PDE11A: variants seen among roughly 807,000 people sequenced by gnomAD.
The protein encoded by PDE11A is phosphodiesterase 11A, also known as dual 3',5'-cyclic-AMP and -GMP phosphodiesterase 11A.
A neutral mutation model predicts 100.5 loss-of-function variants in PDE11A; 100 were observed. The observed-to-expected ratio is 1.00, with a 90% CI of 0.85 to 1.18. The LOEUF (loss-of-function observed/expected upper bound fraction) is 1.18, where lower values mean the gene tolerates loss of function less well. Ranked by LOEUF, PDE11A falls within the 50% of genes most tolerant of loss-of-function variation. The pLI, the probability that PDE11A is intolerant of heterozygous loss-of-function variation, is 0.00. For synonymous variants in PDE11A, 381 were observed against 420.8 expected (o/e 0.91, Z 1.16); for missense variants, 1,141 against 1,152.6 (o/e 0.99, Z 0.15).
intron 5 of PDE11A, among the ~76,000 whole-genome samples, chr2:177,855,877 T>A (rs1229748740): frequency 6.7e-6 from 1 of 149,822 alleles, no homozygotes; most frequent in Non-Finnish European, 1.5e-5. Flanking sequence ...AGCTTGTACA[T>A]ATTCATAGAC....
intron 2 of PDE11A, among the ~76,000 whole-genome samples, chr2:177,939,622 C>T (rs893402717): frequency 1.1e-4 from 17 of 152,116 alleles, no homozygotes; most frequent in African/African-American, 4.1e-4. Context: ...GATCCAACTA[C>T]CAATTTACAG....
chr2:177,756,296 A>G (rs1362063521), intron 10 of PDE11A, among the ~76,000 whole-genome samples: 1 of 152,140 alleles, frequency 6.6e-6, no homozygotes, highest in East Asian at 1.9e-4. Context: ...AGCTGTTTTC[A>G]AGAAGACCAC....
chr2:177,798,070 T>A (rs184045011), intron 9 of PDE11A, among the ~76,000 whole-genome samples: 1 of 152,186 alleles, frequency 6.6e-6, no homozygotes, highest in Non-Finnish European at 1.5e-5. Flanking sequence ...CCTGTCTGCA[T>A]TGAGGTGCTT....
chr2:178,020,899 CTTTG>C (rs1376099550), intron 1 of PDE11A, among the ~76,000 whole-genome samples: 7 of 140,982 alleles, frequency 5.0e-5, no homozygotes, highest in East Asian at 2.1e-4. Flanking sequence ...TCTATTAAGT[CTTTG>C]TTTTTTTGTT....
At chr2:178,001,275 A>AGAGTGTGT (rs370537196) in intron 2 of PDE11A, among the ~76,000 whole-genome samples, 1 of 140,656 alleles carries the variant, frequency 7.1e-6, no homozygotes, top group Non-Finnish European at 1.6e-5. Context: ...ACAATGTGAA[A>AGAGTGTGT]GTGTGTGTGT....
rs188433912 is a variant in PDE11A, at chr2:177,640,160, C to A, written c.2647-10598G>T. ...ATCAGAAACTAAGTGACACAATATA[C>A]CATAGAGGAGAAAGAACTTAGAGTA... On this transcript the variant is annotated intron_variant, in intron 19 of 19. Coordinates refer to ENST00000286063, the MANE Select transcript of PDE11A (RefSeq NM_016953.4). 6.6e-5 allele frequency among the ~76,000 whole-genome samples: 10 copies of A among 152,190 alleles called. No homozygotes were observed. In the South Asian group the frequency reaches 1.0e-3, roughly 16 times the overall value.
chr2:177,806,771 T>C (rs1196304228), intron 9 of PDE11A, among the ~76,000 whole-genome samples: 1 of 152,000 alleles, frequency 6.6e-6, no homozygotes, highest in Non-Finnish European at 1.5e-5. Context: ...TAAAAATTTA[T>C]AGAAGAAATT....
intron 10 of PDE11A, 70 bp from the exon 11 acceptor site, chr2:177,728,242 C>T: frequency 2.2e-6 from 3 of 1,368,206 alleles, no homozygotes; most frequent in Non-Finnish European, 3.1e-6. Flanking sequence ...TGCTCTCCTC[C>T]CCTGCTTATC....
chr2:177,675,731 T>G, intron 16 of PDE11A: 1 of 684,360 alleles, frequency 1.5e-6, no homozygotes, highest in East Asian at 2.9e-5. Flanking sequence ...CTCTCACACA[T>G]CCTCTGGTGG....
chr2:177,836,735 G>C (rs1206217198), intron 6 of PDE11A, among the ~76,000 whole-genome samples: 1 of 152,180 alleles, frequency 6.6e-6, no homozygotes, highest in Non-Finnish European at 1.5e-5. Context: ...AGGCCAGTGA[G>C]ACCACGAACT....
Position 177,628,175 on chromosome 2 carries a change from CAAAT to C in PDE11A, c.*1228_*1231del. 6.5e-6 allele frequency: 1 copy of C among 152,706 alleles called. No individual in the cohort carries two copies. Among genetic ancestry groups the C allele is most frequent in the South Asian group, 2.1e-4 (1 of 4,824 alleles). The allele number at this position is 152,706 out of a possible 1,614,324, so 9.5% of individuals were successfully genotyped here. A position where few individuals can be genotyped will look rare whatever the true frequency, so the allele number is the denominator to read the frequency against. ...CGTTTCCTAGTGTAATCTAATTTGA[CAAAT>C]AAGGAAACAAGCTTGTAGAAGTTAA... On this transcript the variant is annotated 3_prime_UTR_variant, in exon 20 of 20. Transcript: ENST00000286063.
At chr2:177,879,491 A>G (rs2084295795) in intron 4 of PDE11A, among the ~76,000 whole-genome samples, 1 of 152,190 alleles carries the variant, frequency 6.6e-6, no homozygotes, top group Admixed American at 6.5e-5. Context: ...TGGAATTACA[A>G]ATGTGAAAGT....
chr2:177,630,475 AG>A (rs1417122297), intron 19 of PDE11A, among the ~76,000 whole-genome samples: 7 of 152,098 alleles, frequency 4.6e-5, no homozygotes, highest in African/African-American at 1.7e-4. Context: ...TCTCCAAGAT[AG>A]GGGGTAACAT....
At chr2:178,072,929 C>T (rs2087158594), upstream of PDE11A, 9 of 984,802 alleles carry the variant, frequency 9.1e-6, no homozygotes, top group Non-Finnish European at 8.4e-6. Flanking sequence ...CTGGAAGAGT[C>T]TCTGGACGGC....
At chr2:177,854,679 G>A (rs1478579899) in intron 5 of PDE11A, among the ~76,000 whole-genome samples, 2 of 152,092 alleles carry the variant, frequency 1.3e-5, no homozygotes, top group Non-Finnish European at 2.9e-5. Context: ...AGGCGGCAGA[G>A]AATATCTGGG....
At chr2:177,768,589 T>A (rs558276431) in intron 10 of PDE11A, among the ~76,000 whole-genome samples, 4 of 152,178 alleles carry the variant, frequency 2.6e-5, no homozygotes, top group Non-Finnish European at 5.9e-5. Flanking sequence ...TAAAACTGCC[T>A]GGTAGGAGTG....
chr2:178,073,529 A>C (rs762122509), upstream of PDE11A, among the ~76,000 whole-genome samples: 33 of 152,216 alleles, frequency 2.2e-4, no homozygotes, highest in Non-Finnish European at 3.5e-4. Flanking sequence ...CCAAGCATAG[A>C]ATCCTGGTAA....
chr2:178,014,473 C>G lies in PDE11A; in HGVS notation c.913-13G>C. The G allele has an allele frequency of 6.2e-7, 1 of 1,608,426 alleles. No individual in the cohort carries two copies. Among genetic ancestry groups the G allele is most frequent in the Non-Finnish European group, 8.5e-7 (1 of 1,175,344 alleles). On this transcript the variant is annotated splice_polypyrimidine_tract_variant and intron_variant, in intron 1 of 19. Transcript: ENST00000286063. Reference sequence around the variant, plus strand: ...TGAATCGTCGATCCTAAAAATAAGACAAAGAAAGCATTAACTGCATGTGCA... The same window carrying G: ...TGAATCGTCGATCCTAAAAATAAGAGAAAGAAAGCATTAACTGCATGTGCA...
chr2:177,945,276 C>T (rs1281835749), intron 2 of PDE11A, among the ~76,000 whole-genome samples: 3 of 149,460 alleles, frequency 2.0e-5, no homozygotes, highest in Non-Finnish European at 4.5e-5. Flanking sequence ...TCTGCCTGGC[C>T]GCCCATCGTC....
Sources: allele counts gnomAD v4.1 joint callset (sites outside exome capture counted in the v4.1 genomes callset), GRCh38; gene constraint gnomAD v4.1.1; transcripts MANE v1.5; gene names NCBI Gene and HGNC (gene_info 2026-07-23, HGNC 2026-07-21).